CEP128: variants seen among roughly 807,000 people sequenced by gnomAD.
CEP128 encodes the protein centrosomal protein 128kDa.
Under a neutral mutation model 156.7 loss-of-function variants are expected in CEP128, and 132 were observed. The observed-to-expected ratio is 0.84, with a 90% confidence interval of 0.73 to 0.97. The LOEUF is 0.97. Ranked by LOEUF, CEP128 falls within the 50% of genes least tolerant of loss-of-function variation. CEP128 has a pLI of 0.00. For synonymous variants in CEP128, 469 were observed against 448.9 expected (o/e 1.04, Z -0.57); for missense variants, 1,252 against 1,281.9 (o/e 0.98, Z 0.36).
intron 15 of CEP128, 137 bp from the exon 16 acceptor site, chr14:80,778,183 T>C (rs1006542225): frequency 4.3e-6 from 3 of 701,888 alleles, no homozygotes; most frequent in African/African-American, 3.6e-5. Context: ...AATATTAAAA[T>C]AAACACAAAG....
At chr14:80,838,566 T>G (rs1363127859) in intron 10 of CEP128, among the ~76,000 whole-genome samples, 1 of 152,142 alleles carries the variant, frequency 6.6e-6, no homozygotes, top group Non-Finnish European at 1.5e-5. Context: ...GCCTCCATTC[T>G]ATCATCTCTA....
chr14:80,653,138 T>C (rs1002429899), intron 19 of CEP128, among the ~76,000 whole-genome samples: 1 of 152,026 alleles, frequency 6.6e-6, no homozygotes. Context: ...AGTTGAACAA[T>C]GAGAACACAT....
chr14:80,633,019 G>C (rs7151041), intron 19 of CEP128, among the ~76,000 whole-genome samples: 13,546 of 152,016 alleles, frequency 0.089, 1,924 homozygotes, highest in African/African-American at 0.3. Flanking sequence ...TTGAGCCCAG[G>C]AGTGCAAGAG....
At chr14:80,575,504 G>C (rs1286711501) in intron 20 of CEP128, among the ~76,000 whole-genome samples, 1 of 152,082 alleles carries the variant, frequency 6.6e-6, no homozygotes, top group African/African-American at 2.4e-5. Flanking sequence ...GTTGACCATG[G>C]CAGGGGGGAA....
chr14:80,653,818 A>G (rs548407795), intron 19 of CEP128, among the ~76,000 whole-genome samples: 28 of 152,320 alleles, frequency 1.8e-4, no homozygotes, highest in African/African-American at 5.8e-4. Flanking sequence ...TAGGATCATT[A>G]TATCAATTTA....
intron 16 of CEP128, among the ~76,000 whole-genome samples, chr14:80,773,762 T>C (rs1461836809): frequency 1.3e-5 from 2 of 152,042 alleles, no homozygotes; most frequent in Non-Finnish European, 2.9e-5. Flanking sequence ...AGTAAACAGG[T>C]AAATGTCACA....
upstream of CEP128, among the ~76,000 whole-genome samples, chr14:80,944,666 CA>C (rs1886285015): frequency 6.6e-6 from 1 of 151,316 alleles, no homozygotes; most frequent in Non-Finnish European, 1.5e-5. Flanking sequence ...ACTAAAAATA[CA>C]AAAAATTAGC....
intron 11 of CEP128, 111 bp downstream of exon 11, chr14:80,838,093 A>C: frequency 1.4e-6 from 1 of 719,878 alleles, no homozygotes; most frequent in Non-Finnish European, 2.3e-6. Context: ...CCTTAGGAAA[A>C]CATTTTTTCT....
rs1362664881 is a variant in CEP128 at position 80,647,039 on chromosome 14, ATATATATATATATATATATATATATAT to A, written c.2807-66643_2807-66617del. Among the ~76,000 whole-genome samples the A allele has an allele frequency of 7.8e-4, 3 of 3,836 alleles. 1 individual carries two copies. The highest frequency in any genetic ancestry group is 1.7e-3 in the Non-Finnish European group (3 of 1,808). The allele number at this position is 3,836 out of a possible 152,430, so 2.5% of individuals were successfully genotyped here. On this transcript the variant is annotated intron_variant, in intron 19 of 24. Transcript: ENST00000555265. ...TGTGTGTATATATATGTGTGCATGTATATATATATATATATATATATATATATATATATATATATATATATATACACC... is the reference window on the plus strand; with the variant it reads ...TGTGTGTATATATATGTGTGCATGTAATATATATATATATATATATACACC...
rs147097620 is a variant in CEP128 at position 80,539,411 on chromosome 14, C to T, written c.2881-8525G>A. 2.1e-3 allele frequency among the ~76,000 whole-genome samples: 317 copies of T among 152,272 alleles called. 3 individuals carry two copies. The highest frequency in any genetic ancestry group is 3.4e-3 in the Middle Eastern group (1 of 294). On this transcript the variant is annotated intron_variant, in intron 21 of 24. Coordinates refer to ENST00000555265, the MANE Select transcript of CEP128 (RefSeq NM_152446.5). ...CGAACAGAGGGACCGGCTGGAGCCG[C>T]GGCAGAGGAGCATAACTTGTGAAGA...
chr14:80,638,473 T>A (rs1894280761), intron 19 of CEP128, among the ~76,000 whole-genome samples: 1 of 152,286 alleles, frequency 6.6e-6, no homozygotes, highest in Middle Eastern at 3.4e-3. Context: ...CTTCCCCCGA[T>A]GTGCGTAGGG....
rs188080024 is a variant in CEP128 at position 80,768,529 on chromosome 14, G to A, written c.2377-6916C>T. 3.8e-3 allele frequency among the ~76,000 whole-genome samples: 583 copies of A among 152,272 alleles called. 1 individual carries two copies. The highest frequency in any genetic ancestry group is 5.1e-3 in the Non-Finnish European group (345 of 68,010). The stretch of plus-strand genomic sequence containing the variant: ...TCTTCCTTCTCCTCTGATAAGTAGA[G>A]GATTGCTTTATACTATTTCCTCCAA... On this transcript the variant is annotated intron_variant, in intron 16 of 24. Transcript: ENST00000555265.
Position 80,798,024 on chromosome 14 carries a change from T to C in CEP128, c.1210-4914A>G, listed in dbSNP as rs557821290. On this transcript the variant is annotated intron_variant, in intron 13 of 24. Transcript: ENST00000555265. ...TAAAGCAGAATGGTTAAATTTCATA[T>C]CACTTAATTAAGTCCATGTTTATTT... Among the ~76,000 whole-genome samples, 7 of 152,274 alleles carry C rather than the reference T, an allele frequency of 4.6e-5. No homozygotes were observed. In the South Asian group the frequency reaches 1.4e-3, roughly 32 times the overall value.
chr14:80,748,706 T>C (rs1899231589), intron 18 of CEP128, among the ~76,000 whole-genome samples: 1 of 152,214 alleles, frequency 6.6e-6, no homozygotes, highest in African/African-American at 2.4e-5. Context: ...GGTGTTACCC[T>C]GTGTACTCTC....
At chr14:80,857,272 T>C (rs1887234344) in intron 9 of CEP128, among the ~76,000 whole-genome samples, 1 of 151,142 alleles carries the variant, frequency 6.6e-6, no homozygotes, top group African/African-American at 2.4e-5. Context: ...TACATACCTC[T>C]TTCCCAACAC....
At chr14:80,521,972 C>T (rs139778169) in intron 23 of CEP128, among the ~76,000 whole-genome samples, 1 of 152,260 alleles carries the variant, frequency 6.6e-6, no homozygotes, top group East Asian at 1.9e-4. Flanking sequence ...GCTGTATTTG[C>T]ATATTAGTTT....
chr14:80,812,439 T>A (rs1197473), intron 13 of CEP128, among the ~76,000 whole-genome samples: 96,453 of 152,140 alleles, frequency 0.63, 30,957 homozygotes, highest in East Asian at 0.79. Context: ...ATTTCTGGGT[T>A]TAATGGTAGC....
intron 19 of CEP128, among the ~76,000 whole-genome samples, chr14:80,672,792 T>G (rs1895896714): frequency 6.6e-6 from 1 of 152,180 alleles, no homozygotes; most frequent in African/African-American, 2.4e-5. Context: ...TTAAAACTAC[T>G]ATAGCATCTG....
At chr14:80,690,429 AAGAC>A (rs1294342067) in intron 19 of CEP128, among the ~76,000 whole-genome samples, 2 of 151,678 alleles carry the variant, frequency 1.3e-5, no homozygotes, top group Non-Finnish European at 2.9e-5. Flanking sequence ...AAAAAAAAAA[AAGAC>A]AGTTTGATAC....
Sources: allele counts gnomAD v4.1 joint callset (sites outside exome capture counted in the v4.1 genomes callset), GRCh38; gene constraint gnomAD v4.1.1; transcripts MANE v1.5; gene names NCBI Gene and HGNC (gene_info 2026-07-23, HGNC 2026-07-21).